The following MAP4K4 variants were observed in gnomAD, a reference collection of about 807,000 sequenced individuals.
The protein encoded by MAP4K4 is HPK/GCK-like kinase HGK.
In MAP4K4, 38 loss-of-function variants were observed where a neutral mutation model predicts 189.6. The ratio of observed to expected loss-of-function variants is 0.20; its 90% CI spans 0.15 to 0.26. The LOEUF (loss-of-function observed/expected upper bound fraction) is 0.26. MAP4K4 is among the 10% of genes least tolerant of loss of function. MAP4K4 has a pLI of 1.00. For missense variants in MAP4K4, 1,054 were observed against 1,726.9 expected, an observed-to-expected ratio of 0.61 and a Z score of 6.91; for synonymous variants, 610 against 624.3, an observed-to-expected ratio of 0.98 and a Z score of 0.34.
At chr2:101,883,517 T>A (rs1049466643) in intron 28 of MAP4K4, among the ~76,000 whole-genome samples, 2 of 152,102 alleles carry the variant, frequency 1.3e-5, no homozygotes, top group Admixed American at 1.3e-4. Flanking sequence ...AATTTTTTTT[T>A]AAACATGAAA....
At chr2:101,781,267 A>G (rs2087244074) in intron 2 of MAP4K4, among the ~76,000 whole-genome samples, 1 of 152,152 alleles carries the variant, frequency 6.6e-6, no homozygotes, top group African/African-American at 2.4e-5. Flanking sequence ...AAGGGGCGCT[A>G]TCCTTTGTAA....
intron 3 of MAP4K4, among the ~76,000 whole-genome samples, chr2:101,797,881 TTC>T (rs1276950770): frequency 8.1e-6 from 1 of 122,962 alleles, no homozygotes; most frequent in African/African-American, 3.2e-5. Context: ...TTTTAAAACA[TTC>T]TTTTAGTTTT....
At chr2:101,805,924 C>T (rs531266148) in intron 3 of MAP4K4, among the ~76,000 whole-genome samples, 1 of 152,234 alleles carries the variant, frequency 6.6e-6, no homozygotes, top group South Asian at 2.1e-4. Flanking sequence ...ACTTTCCTAC[C>T]GACTTTGCTA....
intron 12 of MAP4K4, among the ~76,000 whole-genome samples, chr2:101,848,172 A>G (rs760335452): frequency 1.8e-4 from 28 of 152,240 alleles, no homozygotes; most frequent in Non-Finnish European, 2.6e-4. Context: ...GTTGTTAAGC[A>G]ACACATGACT....
chr2:101,756,649 G>A (rs567611950), intron 2 of MAP4K4, among the ~76,000 whole-genome samples: 187 of 152,102 alleles, frequency 1.2e-3, no homozygotes, highest in Middle Eastern at 6.8e-3. Flanking sequence ...GGACCTCCTG[G>A]GTTCAGGTGA....
intron 2 of MAP4K4, among the ~76,000 whole-genome samples, chr2:101,739,889 T>G (rs2061867839): frequency 6.6e-6 from 1 of 152,190 alleles, no homozygotes; most frequent in Admixed American, 6.5e-5. Flanking sequence ...TATAAATCTT[T>G]TGTTAGTAGG....
At chr2:101,865,718 A>G (rs1308655902) in intron 18 of MAP4K4, among the ~76,000 whole-genome samples, 1 of 152,212 alleles carries the variant, frequency 6.6e-6, no homozygotes, top group African/African-American at 2.4e-5. Flanking sequence ...AGAAAAGATG[A>G]TTATGTTGAA....
chr2:101,857,256 C>G (rs941117941), intron 13 of MAP4K4, among the ~76,000 whole-genome samples: 1 of 151,984 alleles, frequency 6.6e-6, no homozygotes, highest in Non-Finnish European at 1.5e-5. Flanking sequence ...AAAAAAAATT[C>G]TAAAATCGGT....
chr2:101,767,105 C>A (rs555721398), intron 2 of MAP4K4, among the ~76,000 whole-genome samples: 5 of 152,092 alleles, frequency 3.3e-5, no homozygotes, highest in South Asian at 2.1e-4. Context: ...AAAGTTATAC[C>A]CTATGCAGAC....
chr2:101,771,587 A>ACATCTT (rs1050111872), intron 2 of MAP4K4, among the ~76,000 whole-genome samples: 10 of 152,122 alleles, frequency 6.6e-5, no homozygotes, highest in Non-Finnish European at 1.2e-4. Context: ...TTTTCACTTA[A>ACATCTT]CATCTTCCTA....
chr2:101,797,399 A>G (rs2093823590), intron 3 of MAP4K4: 2 of 1,290,464 alleles, frequency 1.5e-6, no homozygotes, highest in South Asian at 2.5e-5. Flanking sequence ...CCAGAAATGT[A>G]TCAGTTTTTG....
At chr2:101,888,658 T>G (rs1227330584) in intron 31 of MAP4K4, 138 bp from the exon 32 acceptor site, 6 of 589,932 alleles carry the variant, frequency 1.0e-5, no homozygotes, top group Non-Finnish European at 2.6e-6. Flanking sequence ...TGAAAACAAA[T>G]CCTTAAATGC....
chr2:101,698,229 G>A, intron 1 of MAP4K4, 92 bp downstream of exon 1: 2 of 489,136 alleles, frequency 4.1e-6, no homozygotes, highest in Non-Finnish European at 5.3e-6. Flanking sequence ...CTCGGGCGCC[G>A]CCGTGGGCAG....
intron 2 of MAP4K4, among the ~76,000 whole-genome samples, chr2:101,724,438 C>G (rs1213326285): frequency 7.9e-5 from 12 of 152,120 alleles, no homozygotes; most frequent in Non-Finnish European, 1.8e-4. Flanking sequence ...GCTGTCATTC[C>G]TCTTTAAAAT....
Position 101,698,018 on chromosome 2 carries a change from C to A in MAP4K4, c.-63C>A. On this transcript the variant is annotated 5_prime_UTR_variant, in exon 1 of 33. The change creates a new upstream start codon in the 5' untranslated region. Transcript: ENST00000324219. ...GCGCGGTCGGCGGCCTGGTCTGCGG[C>A]TGAGATACACAGAGCGACAGAGACA... is the stretch of plus-strand genomic sequence containing the variant. The A allele has an allele frequency of 8.7e-7, 1 of 1,155,958 alleles. No individual in the cohort carries two copies. Among genetic ancestry groups the A allele is most frequent in the Non-Finnish European group, 1.1e-6 (1 of 878,648 alleles). 71.6% of individuals were successfully genotyped at this position (1,155,958 alleles called of 1,614,324 possible).
chr2:101,875,784 G>A (rs563755387), intron 26 of MAP4K4, among the ~76,000 whole-genome samples: 4 of 152,308 alleles, frequency 2.6e-5, no homozygotes, highest in African/African-American at 9.6e-5. Flanking sequence ...GAGCATTTGG[G>A]GAAATACATG....
chr2:101,795,881 G>C, intron 3 of MAP4K4, among the ~76,000 whole-genome samples: 1 of 152,150 alleles, frequency 6.6e-6, no homozygotes, highest in Non-Finnish European at 1.5e-5. Context: ...TGAATATAAA[G>C]TTCACAGTAT....
intron 26 of MAP4K4, among the ~76,000 whole-genome samples, chr2:101,875,089 AT>A (rs2098162299): frequency 5.3e-5 from 8 of 152,350 alleles, no homozygotes; most frequent in Admixed American, 5.2e-4. Flanking sequence ...ATATCAAAAT[AT>A]TGTGTAAAAT....
intron 12 of MAP4K4, among the ~76,000 whole-genome samples, chr2:101,849,553 T>C (rs1245063172): frequency 1.3e-5 from 2 of 152,034 alleles, no homozygotes; most frequent in African/African-American, 4.8e-5. Flanking sequence ...TTCCATCTAG[T>C]ATTTATTTGC....
Sources: allele counts gnomAD v4.1 joint callset (sites outside exome capture counted in the v4.1 genomes callset), GRCh38; gene constraint gnomAD v4.1.1; transcripts MANE v1.5; gene names NCBI Gene and HGNC (gene_info 2026-07-23, HGNC 2026-07-21).